THEMIS: variants seen among roughly 807,000 people sequenced by gnomAD.
THEMIS encodes protein THEMIS.
A neutral mutation model predicts 52.6 loss-of-function variants in THEMIS; 37 were observed. The observed-to-expected ratio is 0.70, with a 90% CI of 0.54 to 0.93. THEMIS has a LOEUF of 0.93. Among genes scored for constraint, THEMIS ranks in the 40% least tolerant of loss-of-function variants. The probability of loss-of-function intolerance (pLI) is 0.00; values close to 1 mark genes in which losing one functional copy is unlikely to be tolerated. For synonymous variants in THEMIS, 292 were observed against 272.7 expected (o/e 1.07, Z -0.70); for missense variants, 808 against 763.1 (o/e 1.06, Z -0.69).
chr6:127,910,715 G>A (rs1269093195), intron 1 of THEMIS, among the ~76,000 whole-genome samples: 1 of 152,080 alleles, frequency 6.6e-6, no homozygotes, highest in African/African-American at 2.4e-5. Context: ...ACAAACACCT[G>A]TTTCCTTTAT....
At chr6:127,766,863 G>A (rs557485518) in intron 4 of THEMIS, among the ~76,000 whole-genome samples, 2 of 152,268 alleles carry the variant, frequency 1.3e-5, no homozygotes, top group Admixed American at 1.3e-4. Context: ...TGAATAGTGT[G>A]AGTGACTATG....
intron 1 of THEMIS, among the ~76,000 whole-genome samples, chr6:127,888,902 A>C (rs768482236): frequency 3.9e-5 from 6 of 152,006 alleles, no homozygotes; most frequent in Non-Finnish European, 7.4e-5. Flanking sequence ...TCTCTTTAGA[A>C]TATGCCTGGT....
intron 3 of THEMIS, 59 bp downstream of exon 3, chr6:127,829,417 T>G: frequency 4.3e-6 from 6 of 1,406,580 alleles, no homozygotes; most frequent in Non-Finnish European, 5.8e-6. Flanking sequence ...CTAAAATCTT[T>G]CTTTCCCAAA....
intron 4 of THEMIS, among the ~76,000 whole-genome samples, chr6:127,786,446 A>T (rs139046000): frequency 1.6e-4 from 25 of 152,290 alleles, no homozygotes; most frequent in African/African-American, 6.0e-4. Context: ...ATTTGGGAAA[A>T]ATAAAAGGTA....
At chr6:127,802,341 A>T (rs914889359) in intron 4 of THEMIS, among the ~76,000 whole-genome samples, 1 of 152,204 alleles carries the variant, frequency 6.6e-6, no homozygotes, top group African/African-American at 2.4e-5. Context: ...TGTATGTCAG[A>T]TCTAACGAGG....
chr6:127,817,820 G>C (rs1384742992), intron 3 of THEMIS, among the ~76,000 whole-genome samples: 1 of 152,124 alleles, frequency 6.6e-6, no homozygotes, highest in Non-Finnish European at 1.5e-5. Flanking sequence ...AAAACTCCTA[G>C]GGTTGGGGAG....
chr6:127,792,597 T>C (rs945976286), intron 4 of THEMIS, among the ~76,000 whole-genome samples: 1 of 152,230 alleles, frequency 6.6e-6, no homozygotes, highest in Non-Finnish European at 1.5e-5. Flanking sequence ...GCCTTCAAAA[T>C]GCTCCTCATT....
chr6:127,731,547 G>C lies in THEMIS; in HGVS notation c.1759-11724C>G, dbSNP rs141605277. On this transcript the variant is annotated intron_variant, in intron 4 of 5. Coordinates refer to ENST00000368248, the MANE Select transcript of THEMIS (RefSeq NM_001010923.3). ...ATGTATTAGCATATTGAAATCTTCG[G>C]CATTTTTTTTTCTAAGCATTTGTCA... 2.8e-3 allele frequency among the ~76,000 whole-genome samples: 411 copies of C among 148,450 alleles called. 1 individual carries two copies. The highest frequency in any genetic ancestry group is 9.5e-3 in the African/African-American group (385 of 40,348).
At chr6:127,807,032 G>A (rs1313107346) in intron 4 of THEMIS, among the ~76,000 whole-genome samples, 1 of 152,090 alleles carries the variant, frequency 6.6e-6, no homozygotes, top group Non-Finnish European at 1.5e-5. Context: ...ATCTGTACAT[G>A]TCTTACTCTA....
rs1397548072 is a variant in THEMIS, at chr6:127,708,853, C to G, written c.*1132G>C. 2 of 151,870 alleles carry G rather than the reference C, an allele frequency of 1.3e-5. No individual in the cohort carries two copies. The highest frequency in any genetic ancestry group is 4.8e-5 in the African/African-American group (2 of 41,360). The allele number at this position is 151,870 out of a possible 1,614,324, so 9.4% of individuals were successfully genotyped here. On this transcript the variant is annotated 3_prime_UTR_variant, in exon 6 of 6. Transcript: ENST00000368248. ...TATTGTCTTCAGAAACACTTTGGTA[C>G]AAAATCAACAAATTTCTCCACAAAA...
intron 4 of THEMIS, among the ~76,000 whole-genome samples, chr6:127,731,375 C>T (rs1057420282): frequency 6.6e-6 from 1 of 151,800 alleles, no homozygotes; most frequent in Non-Finnish European, 1.5e-5. Flanking sequence ...ATATAATAAA[C>T]AGATATGTCG....
chr6:127,756,540 C>G (rs1166168536), intron 4 of THEMIS, among the ~76,000 whole-genome samples: 1 of 152,128 alleles, frequency 6.6e-6, no homozygotes, highest in Admixed American at 6.6e-5. Context: ...CCTGAAAGTC[C>G]TCTGTCACTC....
At chr6:127,838,246 G>T (rs567937494) in intron 2 of THEMIS, among the ~76,000 whole-genome samples, 1 of 152,142 alleles carries the variant, frequency 6.6e-6, no homozygotes, top group South Asian at 2.1e-4. Context: ...TCCTCAGTTA[G>T]GTTTAAGAGT....
intron 1 of THEMIS, among the ~76,000 whole-genome samples, chr6:127,875,631 C>T (rs552530679): frequency 3.7e-4 from 57 of 152,266 alleles, no homozygotes; most frequent in South Asian, 1.0e-3. Context: ...ACTAATGTAA[C>T]GGAGGAACTC....
chr6:127,794,983 G>C (rs957718151), intron 4 of THEMIS, among the ~76,000 whole-genome samples: 3 of 152,142 alleles, frequency 2.0e-5, no homozygotes, highest in Admixed American at 2.0e-4. Flanking sequence ...GATATTTGCA[G>C]AAAGAAAGAC....
intron 1 of THEMIS, among the ~76,000 whole-genome samples, chr6:127,897,811 G>T (rs1039548213): frequency 6.6e-6 from 1 of 151,468 alleles, no homozygotes; most frequent in African/African-American, 2.4e-5. Context: ...GCATATACAC[G>T]TAGGCACACA....
At chr6:127,804,888 T>C (rs994029826) in intron 4 of THEMIS, among the ~76,000 whole-genome samples, 11 of 152,296 alleles carry the variant, frequency 7.2e-5, no homozygotes, top group African/African-American at 2.6e-4. Context: ...ATGTAAAGTT[T>C]AGTGATCTGA....
At chr6:127,862,051 G>A (rs1054514631) in intron 1 of THEMIS, among the ~76,000 whole-genome samples, 1 of 152,072 alleles carries the variant, frequency 6.6e-6, no homozygotes, top group Non-Finnish European at 1.5e-5. Flanking sequence ...AAGGAATTAA[G>A]TGCAAACATA....
At chr6:127,840,187 A>G (rs1778999575) in intron 2 of THEMIS, among the ~76,000 whole-genome samples, 2 of 152,130 alleles carry the variant, frequency 1.3e-5, no homozygotes, top group South Asian at 4.1e-4. Context: ...ACTTCTATGT[A>G]TATAAGATTA....
Sources: allele counts gnomAD v4.1 joint callset (sites outside exome capture counted in the v4.1 genomes callset), GRCh38; gene constraint gnomAD v4.1.1; transcripts MANE v1.5; gene names NCBI Gene and HGNC (gene_info 2026-07-23, HGNC 2026-07-21).